Variants in LPAR1 observed in about 807,000 individuals in gnomAD.
LPAR1 encodes the protein LPA receptor 1.
In LPAR1, 5 loss-of-function variants were observed where a neutral mutation model predicts 23.8. The ratio of observed to expected loss-of-function variants is 0.21; its 90% CI spans 0.11 to 0.44. The LOEUF is 0.44. Among genes scored for constraint, LPAR1 ranks in the 20% least tolerant of loss-of-function variants. LPAR1 has a pLI of 0.99. For missense variants in LPAR1, 311 were observed against 482.8 expected, an observed-to-expected ratio of 0.64 and a Z score of 3.33; for synonymous variants, 160 against 164.7, an observed-to-expected ratio of 0.97 and a Z score of 0.22.
At chr9:111,007,882 T>C (rs1017902505) in intron 2 of LPAR1, among the ~76,000 whole-genome samples, 13 of 152,252 alleles carry the variant, frequency 8.5e-5, no homozygotes, top group Middle Eastern at 3.4e-3. Flanking sequence ...GAAGTGGTAT[T>C]AATTTAAGAT....
intron 3 of LPAR1, among the ~76,000 whole-genome samples, chr9:110,973,203 A>C (rs903341977): frequency 6.6e-6 from 1 of 152,198 alleles, no homozygotes. Context: ...CAGGTAACTG[A>C]AACTGTGGAA....
chr9:110,960,481 A>G (rs2095925695), intron 4 of LPAR1, among the ~76,000 whole-genome samples: 1 of 152,168 alleles, frequency 6.6e-6, no homozygotes. Context: ...GAAGGAGTAA[A>G]AGGGCTCCAA....
chr9:110,887,267 G>A (rs1462623730), intron 5 of LPAR1, among the ~76,000 whole-genome samples: 1 of 151,708 alleles, frequency 6.6e-6, no homozygotes, highest in Admixed American at 6.6e-5. Context: ...CTATCAAAAT[G>A]GGGAAAATAT....
intron 4 of LPAR1, among the ~76,000 whole-genome samples, chr9:110,943,556 C>A (rs781371888): frequency 1.3e-5 from 2 of 152,008 alleles, no homozygotes; most frequent in Non-Finnish European, 2.9e-5. Context: ...CTTTACTTGT[C>A]TGCTTCTTAA....
At position 110,974,804 on chromosome 9, in the gene LPAR1, C is replaced by A. The variant is rs145571732; in HGVS notation, c.-181-1246G>T. 7.7e-4 allele frequency among the ~76,000 whole-genome samples: 117 copies of A among 152,218 alleles called. 1 individual carries two copies. In the East Asian group the frequency reaches 0.021, roughly 27 times the overall value. On this transcript the variant is annotated intron_variant, in intron 2 of 5. Transcript: ENST00000683809. ...GGAGAAAAGCATATGTATACAGGAC[C>A]TTTCTTTTTTCAAGATGACTGCTAG...
At chr9:110,904,556 A>G (rs988271520) in intron 5 of LPAR1, among the ~76,000 whole-genome samples, 2 of 152,238 alleles carry the variant, frequency 1.3e-5, no homozygotes, top group African/African-American at 4.8e-5. Flanking sequence ...GGGATTCTGC[A>G]TATCAAATGA....
intron 2 of LPAR1, among the ~76,000 whole-genome samples, chr9:110,981,966 A>G (rs992451513): frequency 6.6e-6 from 1 of 152,216 alleles, no homozygotes; most frequent in African/African-American, 2.4e-5. Flanking sequence ...TTAAAAAGTC[A>G]GGAATCAACA....
rs557825783 is a variant in LPAR1 at position 110,913,956 on chromosome 9, G to A, written c.793+27465C>T. Among the ~76,000 whole-genome samples, 9 of 152,302 alleles carry A rather than the reference G, an allele frequency of 5.9e-5. No homozygotes were observed. The East Asian group carries it at 1.2e-3, about 20-fold the overall frequency. The stretch of plus-strand genomic sequence containing the variant: ...TTACCAGACTGTATGAACAAGACAC[G>A]TCCAAGCTTGACAAGCATCACTGAC... On this transcript the variant is annotated intron_variant, in intron 5 of 5. Transcript: ENST00000683809.
chr9:110,969,116 C>G (rs565139841), intron 4 of LPAR1, among the ~76,000 whole-genome samples: 31 of 152,144 alleles, frequency 2.0e-4, no homozygotes, highest in African/African-American at 7.2e-4. Flanking sequence ...TGAGAAAAAA[C>G]TAAATACTAA....
At chr9:111,031,964 A>G (rs1193884746) in intron 2 of LPAR1, among the ~76,000 whole-genome samples, 36 of 152,226 alleles carry the variant, frequency 2.4e-4, no homozygotes, top group Admixed American at 2.4e-3. Flanking sequence ...GCATTCTAAA[A>G]GAACTTCTCT....
rs114380820 is a variant in LPAR1 at position 111,002,206 on chromosome 9, G to A, written c.-181-28648C>T. 4.6e-3 allele frequency among the ~76,000 whole-genome samples: 702 copies of A among 152,104 alleles called. 5 individuals carry two copies. The highest frequency in any genetic ancestry group is 0.016 in the African/African-American group (675 of 41,488). On this transcript the variant is annotated intron_variant, in intron 2 of 5. Coordinates refer to ENST00000683809, the MANE Select transcript of LPAR1 (RefSeq NM_001351411.2). ...GTTTCAGCTGATTAATAACAACTAC[G>A]CAGGAACATTCAATTCCAGAGGCAA...
intron 2 of LPAR1, among the ~76,000 whole-genome samples, chr9:111,023,152 A>C (rs1015354223): frequency 3.9e-5 from 6 of 151,988 alleles, no homozygotes; most frequent in Admixed American, 2.0e-4. Context: ...CATCTCCCCC[A>C]AAAAATCCTT....
intron 2 of LPAR1, among the ~76,000 whole-genome samples, chr9:110,988,028 A>G (rs1274443894): frequency 6.6e-6 from 1 of 152,112 alleles, no homozygotes; most frequent in Non-Finnish European, 1.5e-5. Flanking sequence ...TAAGAATGAC[A>G]GCAGATTTCT....
At chr9:110,945,145 G>A (rs893821459) in intron 4 of LPAR1, among the ~76,000 whole-genome samples, 1 of 152,176 alleles carries the variant, frequency 6.6e-6, no homozygotes, top group Admixed American at 6.5e-5. Flanking sequence ...AGAATAAGCA[G>A]TGGAGACCCT....
chr9:110,966,325 A>C (rs1715546049), intron 4 of LPAR1, among the ~76,000 whole-genome samples: 1 of 152,044 alleles, frequency 6.6e-6, no homozygotes, highest in Admixed American at 6.6e-5. Context: ...CTAAAAATAT[A>C]AAAATTAGCC....
In LPAR1 at chr9:110,941,350, A is replaced by T. The variant is rs78529068; in HGVS notation, c.793+71T>A. On this transcript the variant is annotated intron_variant, in intron 5 of 5. Transcript: ENST00000683809. This position sits in a 1 kb window ranked among gnomAD's most constrained non-coding sequence, Gnocchi z 6.1. ...ATATTCATACTGTTGGTTACCTCTG[A>T]CATAAAATAATGTGGTTTATGTTAG... 1,910 of 1,387,122 alleles carry T rather than the reference A, an allele frequency of 1.4e-3. 28 individuals are homozygous for T. In the African/African-American group the frequency reaches 0.024, roughly 17 times the overall value. The allele number at this position is 1,387,122 out of a possible 1,614,324, so 85.9% of individuals were successfully genotyped here. A position where few individuals can be genotyped will look rare whatever the true frequency, so the allele number is the denominator to read the frequency against.
intron 5 of LPAR1, among the ~76,000 whole-genome samples, chr9:110,910,707 A>G (rs1442757732): frequency 7.9e-5 from 12 of 152,238 alleles, no homozygotes; most frequent in Admixed American, 6.5e-4. Context: ...AGGCCAAAAT[A>G]TCAACATTAA....
intron 5 of LPAR1, among the ~76,000 whole-genome samples, chr9:110,896,019 G>A (rs771693689): frequency 7.9e-5 from 12 of 152,160 alleles, no homozygotes; most frequent in Non-Finnish European, 1.6e-4. Context: ...GAAAAACTTA[G>A]TTAGGGAAGA....
intron 4 of LPAR1, among the ~76,000 whole-genome samples, chr9:110,944,296 C>A (rs977054890): frequency 6.6e-6 from 1 of 152,150 alleles, no homozygotes; most frequent in Non-Finnish European, 1.5e-5. Flanking sequence ...ACCCTATAAA[C>A]GCAGAGATTC....
Sources: allele counts gnomAD v4.1 joint callset (sites outside exome capture counted in the v4.1 genomes callset), GRCh38; gene constraint gnomAD v4.1.1; non-coding constraint Gnocchi (gnomAD v3.1); transcripts MANE v1.5; gene names NCBI Gene and HGNC (gene_info 2026-07-23, HGNC 2026-07-21).